EYS: variants seen among roughly 807,000 people sequenced by gnomAD.
The protein encoded by EYS is protein eyes shut homolog.
EYS carries 250 observed loss-of-function variants against 282.1 expected under a neutral mutation model. The observed-to-expected ratio is 0.89, with a 90% CI of 0.80 to 0.98. The LOEUF (loss-of-function observed/expected upper bound fraction) is 0.98. Among genes scored for constraint, EYS ranks in the 50% least tolerant of loss-of-function variants. The pLI, the probability that EYS is intolerant of heterozygous loss-of-function variation, is 0.00. For missense variants in EYS, 4,016 were observed against 3,709.0 expected (o/e 1.08, Z -2.15); for synonymous variants, 1,355 against 1,282.9 (o/e 1.06, Z -1.20).
intron 14 of EYS, among the ~76,000 whole-genome samples, chr6:64,957,830 A>T (rs1306810873): frequency 6.6e-6 from 1 of 152,208 alleles, no homozygotes; most frequent in East Asian, 1.9e-4. Context: ...TTTTCACAGC[A>T]AAACAGAGAC....
intron 41 of EYS, among the ~76,000 whole-genome samples, chr6:63,727,925 T>TA (rs762998819): frequency 8.8e-4 from 119 of 135,906 alleles, no homozygotes; most frequent in Middle Eastern, 7.6e-3. Flanking sequence ...GACCCTGTCG[T>TA]AAAAAAAAAA....
chr6:65,102,412 A>T (rs1002395320), intron 12 of EYS, among the ~76,000 whole-genome samples: 1 of 151,396 alleles, frequency 6.6e-6, no homozygotes, highest in African/African-American at 2.4e-5. Context: ...TTATTGTAGT[A>T]CAAAAAATAG....
chr6:64,315,425 T>C (rs62415947), intron 29 of EYS, among the ~76,000 whole-genome samples: 5 of 149,720 alleles, frequency 3.3e-5, no homozygotes, highest in South Asian at 2.1e-4. Flanking sequence ...ATGAGGACAG[T>C]ATCATCCTGA....
At chr6:64,661,037 A>G (rs1036530710) in intron 22 of EYS, among the ~76,000 whole-genome samples, 1 of 152,196 alleles carries the variant, frequency 6.6e-6, no homozygotes. Context: ...ACCAAAACAG[A>G]GATATAGACC....
intron 31 of EYS, among the ~76,000 whole-genome samples, chr6:64,150,212 T>C (rs985537112): frequency 6.6e-6 from 1 of 152,240 alleles, no homozygotes; most frequent in Non-Finnish European, 1.5e-5. Context: ...CATCTCCAGA[T>C]GATTCTTAAG....
At chr6:65,286,311 C>T (rs1768360136) in intron 12 of EYS, among the ~76,000 whole-genome samples, 1 of 151,716 alleles carries the variant, frequency 6.6e-6, no homozygotes, top group Admixed American at 6.6e-5. Flanking sequence ...TCTCTCACTT[C>T]TTTCTTGTTT....
At chr6:65,435,560 T>G (rs1289450355) in intron 5 of EYS, among the ~76,000 whole-genome samples, 1 of 152,056 alleles carries the variant, frequency 6.6e-6, no homozygotes, top group Non-Finnish European at 1.5e-5. Flanking sequence ...AGTTAACAAT[T>G]TTAACTGGGT....
chr6:64,200,311 C>G (rs2150321909), intron 31 of EYS, among the ~76,000 whole-genome samples: 1 of 152,036 alleles, frequency 6.6e-6, no homozygotes, highest in East Asian at 1.9e-4. Flanking sequence ...ATAGAGTGAA[C>G]TCTAATATAA....
intron 2 of EYS, among the ~76,000 whole-genome samples, chr6:65,614,323 CTAAT>C (rs1283795358): frequency 1.3e-5 from 2 of 152,000 alleles, no homozygotes; most frequent in African/African-American, 4.8e-5. Flanking sequence ...CAATTACACC[CTAAT>C]TAAAGAATCT....
intron 33 of EYS, among the ~76,000 whole-genome samples, chr6:64,048,427 G>A (rs1770699027): frequency 6.6e-6 from 1 of 152,046 alleles, no homozygotes; most frequent in African/African-American, 2.4e-5. Flanking sequence ...TGGTATATGA[G>A]GGAGGAAAAT....
intron 22 of EYS, among the ~76,000 whole-genome samples, chr6:64,703,747 T>G (rs1023792644): frequency 6.4e-4 from 97 of 152,174 alleles, no homozygotes; most frequent in African/African-American, 2.3e-3. Flanking sequence ...GTAATTGTTA[T>G]TACAAGAACA....
intron 36 of EYS, 81 bp from the exon 37 acceptor site, chr6:63,806,453 T>C: frequency 8.3e-7 from 1 of 1,203,316 alleles, no homozygotes; most frequent in African/African-American, 1.5e-5. Context: ...TGCTGATGCA[T>C]CTGGCCAGAT....
In EYS at chr6:65,476,415, A is replaced by G. The variant is rs1303898920; in HGVS notation, c.862+14179T>C. Among the ~76,000 whole-genome samples, 4 of 152,212 alleles carry G rather than the reference A, an allele frequency of 2.6e-5. No individual in the cohort carries two copies. In the East Asian group the frequency reaches 7.7e-4, roughly 29 times the overall value. ...TGTTCATTAAGATATTTATATGTACATCTTAATTTAATTCACTTATCTCAG... is the reference window on the plus strand; with the variant it reads ...TGTTCATTAAGATATTTATATGTACGTCTTAATTTAATTCACTTATCTCAG... On this transcript the variant is annotated intron_variant, in intron 5 of 42. Transcript: ENST00000503581.
At chr6:64,076,261 A>G (rs933523517) in intron 32 of EYS, among the ~76,000 whole-genome samples, 12 of 151,966 alleles carry the variant, frequency 7.9e-5, no homozygotes, top group Non-Finnish European at 1.2e-4. Context: ...AAGATTCAAT[A>G]CCTACTTATT....
chr6:64,822,702 TG>T lies in EYS; in HGVS notation c.3112del (p.His1038ThrfsTer52). On this transcript the variant is annotated frameshift_variant, in exon 20 of 43. Coordinates refer to ENST00000503581, the MANE Select transcript of EYS (RefSeq NM_001142800.2). LOFTEE classifies it high-confidence loss of function. ...CDCKSGFFGT[H>X]CETNANDCLS... is the part of the protein sequence containing the mutation. The stretch of plus-strand genomic sequence containing the variant: ...GCAATCATTGGCGTTTGTTTCACAG[TG>T]TGTTCCAAAAAACCCACTCTTGCAG... 4 of 1,548,808 alleles carry T rather than the reference TG, an allele frequency of 2.6e-6. No individual in the cohort carries two copies. The highest frequency in any genetic ancestry group is 3.5e-6 in the Non-Finnish European group (4 of 1,145,768).
intron 29 of EYS, among the ~76,000 whole-genome samples, chr6:64,372,856 G>A (rs1042664164): frequency 2.0e-5 from 3 of 152,050 alleles, no homozygotes; most frequent in African/African-American, 7.2e-5. Flanking sequence ...GGTCAATTCT[G>A]CTGTTAATAC....
chr6:65,520,194 A>G (rs1176753639), intron 2 of EYS, among the ~76,000 whole-genome samples: 1 of 152,000 alleles, frequency 6.6e-6, no homozygotes, highest in African/African-American at 2.4e-5. Context: ...TAATTTGAAA[A>G]CTCAGAAAGC....
At chr6:64,420,988 A>C (rs1305589228) in intron 28 of EYS, among the ~76,000 whole-genome samples, 2 of 152,104 alleles carry the variant, frequency 1.3e-5, no homozygotes, top group African/African-American at 4.8e-5. Flanking sequence ...TCAGCTTCAA[A>C]GTCGCTTCCA....
intron 2 of EYS, among the ~76,000 whole-genome samples, chr6:65,625,459 C>T (rs1430246795): frequency 6.6e-6 from 1 of 152,162 alleles, no homozygotes; most frequent in East Asian, 1.9e-4. Flanking sequence ...ATCCAGCTTT[C>T]ATTTGCTTAC....
Sources: gnomAD v4.1 joint callset for allele counts (sites outside exome capture counted in the v4.1 genomes callset) on GRCh38, gnomAD v4.1.1 for gene constraint, MANE v1.5 for transcripts, NCBI Gene and HGNC (gene_info 2026-07-23, HGNC 2026-07-21) for gene names.